Variants in MS4A4A observed in about 807,000 individuals in gnomAD.
MS4A4A encodes the protein membrane spanning 4-domains A4A, also known as membrane-spanning 4-domains subfamily A member 4A.
MS4A4A carries 26 observed loss-of-function variants against 28.0 expected under a neutral mutation model. The observed-to-expected ratio is 0.93, with a 90% confidence interval of 0.68 to 1.29. The LOEUF (loss-of-function observed/expected upper bound fraction) is 1.29. Ranked by LOEUF, MS4A4A falls within the 50% of genes most tolerant of loss-of-function variation. The pLI, the probability that MS4A4A is intolerant of heterozygous loss-of-function variation, is 0.00. For synonymous variants in MS4A4A, 86 were observed against 100.8 expected (o/e 0.85, Z 0.88); for missense variants, 290 against 293.1 (o/e 0.99, Z 0.08).
intron 1 of MS4A4A, among the ~76,000 whole-genome samples, chr11:60,281,486 C>A (rs139889683): frequency 1.2e-3 from 184 of 151,738 alleles, no homozygotes; most frequent in African/African-American, 4.0e-3. Context: ...AAACAGAATT[C>A]TTGGTTCCTA....
At chr11:60,295,399 T>C (rs2084897137) in intron 2 of MS4A4A, among the ~76,000 whole-genome samples, 1 of 152,112 alleles carries the variant, frequency 6.6e-6, no homozygotes, top group Non-Finnish European at 1.5e-5. Context: ...TGGTTGATTC[T>C]TTCAGATTTT....
chr11:60,304,850 CAG>C (rs1565149339), intron 5 of MS4A4A, among the ~76,000 whole-genome samples: 1 of 152,214 alleles, frequency 6.6e-6, no homozygotes, highest in Non-Finnish European at 1.5e-5. Context: ...TCCTTGAAGA[CAG>C]GGGAATTGTC....
At position 60,308,927 on chromosome 11, in the gene MS4A4A, G is replaced by A. The variant is rs1285654698; in HGVS notation, c.*749G>A. ...GCAACATATGGTATTTGTTAAATAC[G>A]TTTGTTTTTATTGCAGAGCAAAAAT... On this transcript the variant is annotated 3_prime_UTR_variant, in exon 7 of 7. Transcript: ENST00000337908. The A allele has an allele frequency of 1.3e-5, 2 of 152,062 alleles. No individual in the cohort carries two copies. Among genetic ancestry groups the A allele is most frequent in the Admixed American group, 6.5e-5 (1 of 15,270 alleles). The allele number at this position is 152,062 out of a possible 1,614,324, so 9.4% of individuals were successfully genotyped here.
intron 1 of MS4A4A, among the ~76,000 whole-genome samples, chr11:60,291,489 G>A (rs1410328878): frequency 1.3e-5 from 2 of 152,134 alleles, no homozygotes; most frequent in East Asian, 1.9e-4. Flanking sequence ...AGTTTGTGTA[G>A]TTTATTACTA....
At chr11:60,291,522 G>T (rs1460341353) in intron 1 of MS4A4A, among the ~76,000 whole-genome samples, 1 of 152,136 alleles carries the variant, frequency 6.6e-6, no homozygotes, top group Non-Finnish European at 1.5e-5. Flanking sequence ...TCCTTCAGCT[G>T]GGTGCGGTGG....
intron 2 of MS4A4A, among the ~76,000 whole-genome samples, chr11:60,296,706 C>T (rs978520501): frequency 6.6e-6 from 1 of 152,212 alleles, no homozygotes; most frequent in South Asian, 2.1e-4. Context: ...GATAATGGTA[C>T]TCTTACTCTG....
intron 4 of MS4A4A, among the ~76,000 whole-genome samples, chr11:60,301,821 C>A (rs1400740110): frequency 6.6e-6 from 1 of 152,112 alleles, no homozygotes; most frequent in Non-Finnish European, 1.5e-5. Flanking sequence ...CTCTTATTAC[C>A]CAGGCTGGAG....
At chr11:60,286,906 C>T (rs1259609523) in intron 1 of MS4A4A, among the ~76,000 whole-genome samples, 1 of 152,074 alleles carries the variant, frequency 6.6e-6, no homozygotes, top group African/African-American at 2.4e-5. Context: ...TTACTAGTGA[C>T]ATTTTATTAT....
At chr11:60,297,818 C>T (rs1373240515) in intron 3 of MS4A4A, among the ~76,000 whole-genome samples, 1 of 152,078 alleles carries the variant, frequency 6.6e-6, no homozygotes, top group Non-Finnish European at 1.5e-5. Flanking sequence ...CAAGATTTAC[C>T]TCTGTAGCTG....
rs755402304 is a variant in MS4A4A, at chr11:60,302,604, G to A, written c.433G>A (p.Ala145Thr). 24 of 1,614,048 alleles carry A rather than the reference G, an allele frequency of 1.5e-5. No individual in the cohort carries two copies. The highest frequency in any genetic ancestry group is 1.8e-5 in the Non-Finnish European group (21 of 1,180,026). The change falls in exon 5 of 7, where the codon GCA becomes ACA. Residue 145 changes from alanine (A) to threonine (T), a missense_variant. Coordinates refer to ENST00000337908, the MANE Select transcript of MS4A4A (RefSeq NM_148975.3). Reference sequence around the variant, plus strand: ...GAATATCACCAGCTCTGTACTGGCTGCATCAGGGATCTTAATCAACACATT... The same window carrying A: ...GAATATCACCAGCTCTGTACTGGCTACATCAGGGATCTTAATCAACACATT... ...GMNITSSVLA[A>T]SGILINTFSL... is the part of the protein sequence containing the mutation.
intron 5 of MS4A4A, among the ~76,000 whole-genome samples, chr11:60,304,184 A>C (rs772329533): frequency 2.7e-4 from 41 of 152,262 alleles, no homozygotes; most frequent in Non-Finnish European, 4.3e-4. Context: ...CTGCAGAAGG[A>C]CCTTACTTTT....
chr11:60,300,167 A>C (rs2084939160), intron 3 of MS4A4A, among the ~76,000 whole-genome samples: 1 of 152,208 alleles, frequency 6.6e-6, no homozygotes, highest in African/African-American at 2.4e-5. Flanking sequence ...AAACTCCAAC[A>C]ATTGAATATT....
intron 2 of MS4A4A, among the ~76,000 whole-genome samples, chr11:60,294,457 T>A (rs914094693): frequency 2.0e-5 from 3 of 152,296 alleles, no homozygotes; most frequent in Middle Eastern, 3.4e-3. Context: ...TTTTTAATTT[T>A]AAGAAAATTA....
At chr11:60,285,192 A>G (rs1369788482) in intron 1 of MS4A4A, among the ~76,000 whole-genome samples, 1 of 152,096 alleles carries the variant, frequency 6.6e-6, no homozygotes, top group Non-Finnish European at 1.5e-5. Context: ...AATTAACTAC[A>G]TTGTCTGTGT....
rs1565141043 is a variant in MS4A4A at position 60,280,734 on chromosome 11, C to T, written c.41+18C>T. On this transcript the variant is annotated intron_variant, in intron 1 of 6. Coordinates refer to ENST00000337908, the MANE Select transcript of MS4A4A (RefSeq NM_148975.3). ...GAAGAAAGGTAGGTCCAGGGACTTGCCTTCCTAGGCTTTCGGGCTGATGGC... is the reference window on the plus strand; with the variant it reads ...GAAGAAAGGTAGGTCCAGGGACTTGTCTTCCTAGGCTTTCGGGCTGATGGC... 6 of 1,613,082 alleles carry T rather than the reference C, an allele frequency of 3.7e-6. No homozygotes were observed. Among genetic ancestry groups the T allele is most frequent in the Non-Finnish European group, 5.1e-6 (6 of 1,179,378 alleles).
In MS4A4A at chr11:60,306,713, G is replaced by A. The variant is rs79174206; in HGVS notation, c.648+512G>A. On this transcript the variant is annotated intron_variant, in intron 6 of 6. Transcript: ENST00000337908. ...TCACCTTAGAACTCTGCCTCGCACA[G>A]TAGCTACATAAAAGCTCTTTTTCCC... Among the ~76,000 whole-genome samples, 788 of 152,312 alleles carry A rather than the reference G, an allele frequency of 5.2e-3. 12 individuals carry two copies. Among genetic ancestry groups the A allele is most frequent in the African/African-American group, 0.018 (742 of 41,574 alleles).
intron 3 of MS4A4A, among the ~76,000 whole-genome samples, chr11:60,299,559 G>A (rs533919991): frequency 5.7e-4 from 84 of 146,684 alleles, no homozygotes; most frequent in African/African-American, 1.7e-3. Context: ...TGCAACCTCC[G>A]CCTCCCGGGT....
intron 1 of MS4A4A, among the ~76,000 whole-genome samples, chr11:60,289,387 T>C (rs189025234): frequency 1.8e-4 from 27 of 152,214 alleles, no homozygotes; most frequent in Middle Eastern, 3.4e-3. Context: ...GGAAGAAGGC[T>C]CTGCTGACTC....
chr11:60,297,186 A>G lies in MS4A4A; in HGVS notation c.202-11A>G. 6.2e-7 allele frequency: 1 copy of G among 1,612,432 alleles called. No individual in the cohort carries two copies. Among genetic ancestry groups the G allele is most frequent in the Non-Finnish European group, 8.5e-7 (1 of 1,179,176 alleles). On this transcript the variant is annotated splice_polypyrimidine_tract_variant and intron_variant, in intron 2 of 6. Transcript: ENST00000337908. ...TGGACAATCAGTTTTTGCTTTCTTC[A>G]CCATTTTTAGGTTGTGCAGATTCTG... is the stretch of plus-strand genomic sequence containing the variant.
Sources: allele counts gnomAD v4.1 joint callset (sites outside exome capture counted in the v4.1 genomes callset), GRCh38; gene constraint gnomAD v4.1.1; transcripts MANE v1.5; gene names NCBI Gene and HGNC (gene_info 2026-07-23, HGNC 2026-07-21).